Variants in KAZN observed in about 807,000 individuals in gnomAD.
KAZN encodes the protein kazrin, periplakin interacting protein.
Under a neutral mutation model 87.4 loss-of-function variants are expected in KAZN, and 40 were observed. The ratio of observed to expected loss-of-function variants is 0.46; its 90% CI spans 0.36 to 0.60. The LOEUF is 0.60. Ranked by LOEUF, KAZN falls within the 20% of genes least tolerant of loss-of-function variation. KAZN has a pLI of 0.00. For missense variants in KAZN, 898 were observed against 1,073.9 expected (o/e 0.84, Z 2.29); for synonymous variants, 466 against 458.3 (o/e 1.02, Z -0.22).
At chr1:15,074,694 A>C (rs1222399194) in intron 8 of KAZN, among the ~76,000 whole-genome samples, 1 of 152,084 alleles carries the variant, frequency 6.6e-6, no homozygotes, top group Non-Finnish European at 1.5e-5. Context: ...TTTCACGGGG[A>C]GATGGGGGTC....
chr1:14,910,741 G>A (rs1216919443), intron 1 of KAZN, among the ~76,000 whole-genome samples: 1 of 152,148 alleles, frequency 6.6e-6, no homozygotes, highest in East Asian at 1.9e-4. Context: ...GAGCAAGAGG[G>A]GGCTTACCTA....
chr1:14,341,488 C>A (rs1657723147), intron 2 of KAZN, among the ~76,000 whole-genome samples: 1 of 152,174 alleles, frequency 6.6e-6, no homozygotes, highest in Non-Finnish European at 1.5e-5. Flanking sequence ...TCCTTGTGTC[C>A]CACTTGTCCT....
At chr1:14,939,325 C>T (rs1215311768) in intron 1 of KAZN, among the ~76,000 whole-genome samples, 1 of 150,930 alleles carries the variant, frequency 6.6e-6, no homozygotes, top group Admixed American at 6.6e-5. Context: ...GCTGGAGTGC[C>T]ATGGCAGGAT....
chr1:13,926,892 C>T (rs1640300406), intron 1 of KAZN, among the ~76,000 whole-genome samples: 1 of 152,108 alleles, frequency 6.6e-6, no homozygotes, highest in African/African-American at 2.4e-5. Flanking sequence ...GATTTTTGCT[C>T]CCTTTCAAAG....
intron 2 of KAZN, among the ~76,000 whole-genome samples, chr1:14,389,045 T>G (rs1275138655): frequency 6.6e-6 from 1 of 152,168 alleles, no homozygotes. Context: ...GCAAAAGATC[T>G]GAATAGACAT....
chr1:14,869,399 G>C (rs1023326402), intron 1 of KAZN, among the ~76,000 whole-genome samples: 2 of 152,186 alleles, frequency 1.3e-5, no homozygotes, highest in South Asian at 4.1e-4. Context: ...TCTGCACAGC[G>C]AGGCTCTAAT....
chr1:14,716,596 C>A (rs111542200), intron 1 of KAZN, among the ~76,000 whole-genome samples: 1 of 152,136 alleles, frequency 6.6e-6, no homozygotes, highest in African/African-American at 2.4e-5. Flanking sequence ...AATTCTCTGG[C>A]GGCAACTCTC....
chr1:14,857,934 G>C (rs374286715), intron 1 of KAZN, among the ~76,000 whole-genome samples: 1 of 152,138 alleles, frequency 6.6e-6, no homozygotes, highest in South Asian at 2.1e-4. Flanking sequence ...AAGATACTCT[G>C]TACCTATGAG....
At chr1:14,013,691 A>G (rs1185068980) in intron 1 of KAZN, among the ~76,000 whole-genome samples, 1 of 152,228 alleles carries the variant, frequency 6.6e-6, no homozygotes, top group Non-Finnish European at 1.5e-5. Context: ...CACCGTAATC[A>G]AACTGAAATT....
rs977872982 is a variant in KAZN, at chr1:15,077,054, C to T, written c.1222+11301C>T. ...AAGGAAGCAGCTCTGCTCACTCCAGCGAGGCTGCTCGGAGCAATGCCAGCC... is the reference window on the plus strand; with the variant it reads ...AAGGAAGCAGCTCTGCTCACTCCAGTGAGGCTGCTCGGAGCAATGCCAGCC... On this transcript the variant is annotated intron_variant, in intron 8 of 14. Coordinates refer to ENST00000376030, the MANE Select transcript of KAZN (RefSeq NM_201628.3). The surrounding 1 kb of genome is among the most constrained non-coding windows in gnomAD (Gnocchi z 4.8). Among the ~76,000 whole-genome samples the T allele has an allele frequency of 5.3e-5, 8 of 152,232 alleles. No individual in the cohort carries two copies. The highest frequency in any genetic ancestry group is 8.8e-5 in the Non-Finnish European group (6 of 68,040).
chr1:14,549,858 C>T (rs1673399492), intron 2 of KAZN, among the ~76,000 whole-genome samples: 1 of 152,178 alleles, frequency 6.6e-6, no homozygotes, highest in Admixed American at 6.5e-5. Flanking sequence ...ATGGCTTTAG[C>T]CCCCATTCAC....
intron 1 of KAZN, among the ~76,000 whole-genome samples, chr1:14,854,444 C>A (rs908327106): frequency 6.6e-6 from 1 of 152,130 alleles, no homozygotes; most frequent in African/African-American, 2.4e-5. Flanking sequence ...GTTTTGCAGG[C>A]TGAGAAGTTC....
At chr1:13,989,710 G>A (rs796973555) in intron 1 of KAZN, among the ~76,000 whole-genome samples, 86 of 152,292 alleles carry the variant, frequency 5.6e-4, no homozygotes, top group African/African-American at 1.9e-3. Flanking sequence ...GGAAGGCAGA[G>A]AGGGAGATAC....
chr1:14,444,121 C>T (rs1055768387), intron 2 of KAZN, among the ~76,000 whole-genome samples: 2 of 152,074 alleles, frequency 1.3e-5, no homozygotes, highest in African/African-American at 4.8e-5. Flanking sequence ...AGTATGGGTT[C>T]AGACACAGAG....
chr1:14,416,673 G>A (rs900995777), intron 2 of KAZN, among the ~76,000 whole-genome samples: 2 of 152,000 alleles, frequency 1.3e-5, no homozygotes, highest in Non-Finnish European at 2.9e-5. Flanking sequence ...GGAGACAGAG[G>A]TTGCAGTGAG....
Position 14,180,958 on chromosome 1 carries a change from TAATG to T in KAZN, c.249+370_249+373del, listed in dbSNP as rs374681762. On this transcript the variant is annotated intron_variant, in intron 2 of 16. Coordinates refer to the KAZN transcript ENST00000636203. The stretch of plus-strand genomic sequence containing the variant: ...ACTTGTCCCAAACAGCATAAGTAAC[TAATG>T]AATATTTTGGTGCATTTGCTGTACT... Among the ~76,000 whole-genome samples the T allele has an allele frequency of 1.2e-3, 177 of 152,312 alleles. 1 individual carries two copies. Among genetic ancestry groups the T allele is most frequent in the Middle Eastern group, 6.8e-3 (2 of 294 alleles).
chr1:14,813,647 A>C (rs1468661405), intron 1 of KAZN, among the ~76,000 whole-genome samples: 1 of 152,192 alleles, frequency 6.6e-6, no homozygotes, highest in Non-Finnish European at 1.5e-5. Context: ...CTAATAGAAG[A>C]TATAGCCTTC....
chr1:14,209,445 C>A (rs991977293), intron 2 of KAZN, among the ~76,000 whole-genome samples: 1 of 152,220 alleles, frequency 6.6e-6, no homozygotes, highest in African/African-American at 2.4e-5. Context: ...AACCCTATGC[C>A]TTCTGGGCAG....
chr1:14,795,279 C>G (rs1645796510), intron 1 of KAZN, among the ~76,000 whole-genome samples: 3 of 152,114 alleles, frequency 2.0e-5, no homozygotes, highest in Admixed American at 6.6e-5. Flanking sequence ...AAATGAGAAG[C>G]AGTCCGTGAA....
Sources: gnomAD v4.1 joint callset for allele counts (sites outside exome capture counted in the v4.1 genomes callset) on GRCh38, gnomAD v4.1.1 for gene constraint, Gnocchi (gnomAD v3.1) non-coding constraint, MANE v1.5 for transcripts, NCBI Gene and HGNC (gene_info 2026-07-23, HGNC 2026-07-21) for gene names.